FHIT: variants seen among roughly 807,000 people sequenced by gnomAD.
FHIT encodes the protein fragile histidine triad diadenosine triphosphatase.
In FHIT, 19 loss-of-function variants were observed where a neutral mutation model predicts 17.9. The ratio of observed to expected loss-of-function variants is 1.06; its 90% confidence interval spans 0.74 to 1.56. The LOEUF (loss-of-function observed/expected upper bound fraction) is 1.56. Among genes scored for constraint, FHIT ranks in the 40% most tolerant of loss-of-function variants. The probability of loss-of-function intolerance (pLI) is 0.00; values close to 1 mark genes in which losing one functional copy is unlikely to be tolerated. For synonymous variants in FHIT, 81 were observed against 69.7 expected, an observed-to-expected ratio of 1.16 and a Z score of -0.81; for missense variants, 248 against 189.2, an observed-to-expected ratio of 1.31 and a Z score of -1.82.
Position 60,014,168 on chromosome 3 carries a change from T to C in FHIT, c.104-16A>G, listed in dbSNP as rs908199618. 1 of 1,613,660 alleles carries C rather than the reference T, an allele frequency of 6.2e-7. No homozygotes were observed. The highest frequency in any genetic ancestry group is 8.5e-7 in the Non-Finnish European group (1 of 1,179,758). On this transcript the variant is annotated splice_polypyrimidine_tract_variant and intron_variant, in intron 5 of 9. Transcript: ENST00000492590. Reference sequence around the variant, plus strand: ...ACAAGGACATCTGTAGCAAGGTCTGTTAAGGCCCATGCTGCTGGCTTTGGG... The same window carrying C: ...ACAAGGACATCTGTAGCAAGGTCTGCTAAGGCCCATGCTGCTGGCTTTGGG...
chr3:60,239,481 C>T (rs908778807), intron 5 of FHIT, among the ~76,000 whole-genome samples: 1 of 152,134 alleles, frequency 6.6e-6, no homozygotes, highest in African/African-American at 2.4e-5. Flanking sequence ...AGGAGTGTGG[C>T]TTATGCCCAG....
At chr3:59,943,222 C>A (rs1706620103) in intron 7 of FHIT, among the ~76,000 whole-genome samples, 2 of 152,114 alleles carry the variant, frequency 1.3e-5, no homozygotes, top group Non-Finnish European at 1.5e-5. Context: ...CAGGAACCAG[C>A]TCAGGGCTTT....
intron 5 of FHIT, among the ~76,000 whole-genome samples, chr3:60,469,466 C>T (rs944623508): frequency 5.3e-5 from 8 of 152,296 alleles, no homozygotes; most frequent in African/African-American, 1.9e-4. Flanking sequence ...AGTAGGCCAG[C>T]TGCATTTTTC....
At chr3:60,878,517 T>G (rs1704783985) in intron 3 of FHIT, among the ~76,000 whole-genome samples, 1 of 151,964 alleles carries the variant, frequency 6.6e-6, no homozygotes, top group African/African-American at 2.4e-5. Flanking sequence ...ATACTTTAAG[T>G]TTTAGGGTAC....
chr3:60,838,535 C>T (rs1429360586), intron 3 of FHIT, among the ~76,000 whole-genome samples: 12 of 152,120 alleles, frequency 7.9e-5, no homozygotes, highest in African/African-American at 2.9e-4. Flanking sequence ...AGTTTTCCTT[C>T]ATCTGATAAT....
At chr3:59,776,343 G>C (rs1482043690) in intron 8 of FHIT, among the ~76,000 whole-genome samples, 1 of 152,226 alleles carries the variant, frequency 6.6e-6, no homozygotes, top group Non-Finnish European at 1.5e-5. Flanking sequence ...ACAGCTACAA[G>C]TGCTCACCAT....
rs1464387374 is a variant in FHIT at position 60,449,920 on chromosome 3, T to C, written c.103+86940A>G. On this transcript the variant is annotated intron_variant, in intron 5 of 9. Coordinates refer to ENST00000492590, the MANE Select transcript of FHIT (RefSeq NM_002012.4). Reference sequence around the variant, plus strand: ...CAGGAGGCTGAGGCAGGAGAATCACTTGAAACTGGGAGGCAGAGGTTGCAA... The same window carrying C: ...CAGGAGGCTGAGGCAGGAGAATCACCTGAAACTGGGAGGCAGAGGTTGCAA... 4.1e-5 allele frequency among the ~76,000 whole-genome samples: 6 copies of C among 147,910 alleles called. No homozygotes were observed. The East Asian group carries it at 1.2e-3, about 30-fold the overall frequency.
At chr3:59,825,410 G>C (rs1294435062) in intron 8 of FHIT, among the ~76,000 whole-genome samples, 3 of 152,116 alleles carry the variant, frequency 2.0e-5, no homozygotes, top group Non-Finnish European at 4.4e-5. Context: ...ATTTCTAGAG[G>C]GATAGTTGAG....
rs1305901367 is a variant in FHIT, at chr3:60,190,484, C to G, written c.104-176332G>C. 3.3e-5 allele frequency among the ~76,000 whole-genome samples: 5 copies of G among 152,042 alleles called. No individual in the cohort carries two copies. The East Asian group carries it at 5.8e-4, about 18-fold the overall frequency. ...TAAGGGAGGGCTGGGCACGGTGGCT[C>G]ACACCTGTAATCCCAGCACTTTAGG... On this transcript the variant is annotated intron_variant, in intron 5 of 9. Coordinates refer to ENST00000492590, the MANE Select transcript of FHIT (RefSeq NM_002012.4).
intron 5 of FHIT, among the ~76,000 whole-genome samples, chr3:60,321,328 T>C (rs957620724): frequency 1.3e-5 from 2 of 151,856 alleles, no homozygotes; most frequent in Admixed American, 6.6e-5. Context: ...ATACAAAAAA[T>C]AGCCAGGCGT....
intron 4 of FHIT, among the ~76,000 whole-genome samples, chr3:60,814,210 A>C (rs1371877124): frequency 5.9e-5 from 9 of 152,014 alleles, no homozygotes; most frequent in African/African-American, 2.2e-4. Context: ...TTATTTTTTC[A>C]ACTTTCATTT....
At chr3:60,960,268 C>T (rs1268546615) in intron 3 of FHIT, among the ~76,000 whole-genome samples, 1 of 152,132 alleles carries the variant, frequency 6.6e-6, no homozygotes, top group African/African-American at 2.4e-5. Context: ...GACTTTCTTT[C>T]TCTTTCTTTT....
chr3:59,963,872 A>G, intron 7 of FHIT, among the ~76,000 whole-genome samples: 1 of 152,262 alleles, frequency 6.6e-6, no homozygotes, highest in East Asian at 1.9e-4. Flanking sequence ...ACAGAACACA[A>G]TTTAAAATGT....
At chr3:60,591,743 A>C (rs1196661957) in intron 4 of FHIT, among the ~76,000 whole-genome samples, 1 of 152,056 alleles carries the variant, frequency 6.6e-6, no homozygotes, top group Non-Finnish European at 1.5e-5. Context: ...TGTTCGTTCA[A>C]ATACACGGCA....
chr3:59,995,634 T>C (rs563208429), intron 7 of FHIT, among the ~76,000 whole-genome samples: 5 of 152,246 alleles, frequency 3.3e-5, no homozygotes, highest in South Asian at 2.1e-4. Context: ...ATAATGCTCC[T>C]TGATGGTGAA....
chr3:61,250,647 A>C (rs1576297263), intron 1 of FHIT, among the ~76,000 whole-genome samples: 1 of 150,560 alleles, frequency 6.6e-6, no homozygotes, highest in Non-Finnish European at 1.5e-5. Context: ...CTGCCTCCTT[A>C]CCCCCCACCA....
chr3:60,609,453 G>A (rs1553672570), intron 4 of FHIT, among the ~76,000 whole-genome samples: 1 of 152,026 alleles, frequency 6.6e-6, no homozygotes, highest in Non-Finnish European at 1.5e-5. Flanking sequence ...AGCCTCCTGA[G>A]TAGCTGGGAT....
At chr3:59,987,509 A>G (rs1709038889) in intron 7 of FHIT, among the ~76,000 whole-genome samples, 1 of 152,066 alleles carries the variant, frequency 6.6e-6, no homozygotes, top group Non-Finnish European at 1.5e-5. Flanking sequence ...ATGTTTTAAC[A>G]CGTCATGGCA....
chr3:60,432,630 T>C (rs1455575645), intron 5 of FHIT, among the ~76,000 whole-genome samples: 2 of 152,102 alleles, frequency 1.3e-5, no homozygotes, highest in Non-Finnish European at 2.9e-5. Flanking sequence ...ATTCTAATTT[T>C]CACAGCTAAA....
Sources: gnomAD v4.1 joint callset for allele counts (sites outside exome capture counted in the v4.1 genomes callset) on GRCh38, gnomAD v4.1.1 for gene constraint, MANE v1.5 for transcripts, NCBI Gene and HGNC (gene_info 2026-07-23, HGNC 2026-07-21) for gene names.